The following RBPMS variants were observed in gnomAD, a reference collection of about 807,000 sequenced individuals.
RBPMS encodes RNA-binding protein with multiple splicing.
Under a neutral mutation model 26.8 loss-of-function variants are expected in RBPMS, and 7 were observed. The ratio of observed to expected loss-of-function variants is 0.26; its 90% CI spans 0.15 to 0.49. RBPMS has a LOEUF of 0.49. Among genes scored for constraint, RBPMS ranks in the 20% least tolerant of loss-of-function variants. The pLI, the probability that RBPMS is intolerant of heterozygous loss-of-function variation, is 0.98. For synonymous variants in RBPMS, 96 were observed against 93.3 expected (o/e 1.03, Z -0.17); for missense variants, 186 against 250.0 (o/e 0.74, Z 1.73).
chr8:30,448,403 A>AT (rs1445911381), intron 1 of RBPMS, among the ~76,000 whole-genome samples: 1 of 152,150 alleles, frequency 6.6e-6, no homozygotes. Flanking sequence ...TCTTCCTGCC[A>AT]TTGGCTTCAA....
At chr8:30,444,795 T>A (rs970013380) in intron 1 of RBPMS, 16 of 152,342 alleles carry the variant, frequency 1.1e-4, no homozygotes, top group Non-Finnish European at 2.2e-4. Context: ...GTTTCAGATA[T>A]CTATTTCAAA....
chr8:30,496,958 C>A (rs992329747), intron 4 of RBPMS, among the ~76,000 whole-genome samples: 1 of 152,154 alleles, frequency 6.6e-6, no homozygotes, highest in African/African-American at 2.4e-5. Flanking sequence ...TCTGATATAA[C>A]CGATTATGAT....
At chr8:30,415,767 C>T (rs1263137787) in intron 1 of RBPMS, among the ~76,000 whole-genome samples, 9 of 152,026 alleles carry the variant, frequency 5.9e-5, no homozygotes, top group South Asian at 2.1e-4. Flanking sequence ...CTGCCTTGTG[C>T]GATGTTTGAC....
At chr8:30,468,517 G>A (rs1816757091) in intron 1 of RBPMS, among the ~76,000 whole-genome samples, 3 of 151,980 alleles carry the variant, frequency 2.0e-5, no homozygotes, top group Admixed American at 2.0e-4. Flanking sequence ...ATTGTGACTG[G>A]GAAATGCCAT....
chr8:30,416,834 A>G (rs1810143316), intron 1 of RBPMS, among the ~76,000 whole-genome samples: 1 of 151,682 alleles, frequency 6.6e-6, no homozygotes, highest in Admixed American at 6.6e-5. Flanking sequence ...CAGTGGTGCA[A>G]TCTCGACTCA....
At chr8:30,413,037 A>G (rs550744254) in intron 1 of RBPMS, among the ~76,000 whole-genome samples, 20 of 152,314 alleles carry the variant, frequency 1.3e-4, no homozygotes, top group African/African-American at 4.1e-4. Context: ...AACACATTCC[A>G]GTTTTTTAAG....
intron 5 of RBPMS, among the ~76,000 whole-genome samples, chr8:30,518,005 C>T (rs753260555): frequency 6.6e-6 from 1 of 152,144 alleles, no homozygotes; most frequent in Non-Finnish European, 1.5e-5. Context: ...CAGCACTGGG[C>T]AGGGATATTG....
chr8:30,423,833 G>T (rs891454042), intron 1 of RBPMS, among the ~76,000 whole-genome samples: 22 of 63,398 alleles, frequency 3.5e-4, no homozygotes, highest in Admixed American at 1.1e-3. Flanking sequence ...TGTTTTTTTT[G>T]TTGTTGTTGT....
intron 3 of RBPMS, among the ~76,000 whole-genome samples, 177 bp downstream of exon 3, chr8:30,478,014 TC>T (rs1231795210): frequency 3.9e-5 from 6 of 152,208 alleles, no homozygotes; most frequent in Non-Finnish European, 8.8e-5. Flanking sequence ...TCTATAATCT[TC>T]AGCTGGAATT....
chr8:30,546,617 T>G (rs1168187128), intron 6 of RBPMS, among the ~76,000 whole-genome samples: 1 of 152,212 alleles, frequency 6.6e-6, no homozygotes, highest in Non-Finnish European at 1.5e-5. Context: ...TCTTGAGACT[T>G]TCCCAAACTG....
intron 5 of RBPMS, among the ~76,000 whole-genome samples, chr8:30,518,567 A>G (rs10085945): frequency 0.045 from 6,864 of 151,476 alleles, 544 homozygotes; most frequent in African/African-American, 0.16. Context: ...CTGGGATTAC[A>G]GTTGTGCGTC....
chr8:30,549,419 C>G (rs1003923607), intron 6 of RBPMS: 3 of 1,230,644 alleles, frequency 2.4e-6, no homozygotes, highest in African/African-American at 1.5e-5. Context: ...TGGGGCTGTT[C>G]TGCCCAAGGC....
At chr8:30,434,776 A>ACAC (rs1563314990) in intron 1 of RBPMS, among the ~76,000 whole-genome samples, 5 of 147,428 alleles carry the variant, frequency 3.4e-5, no homozygotes, top group African/African-American at 1.3e-4. Flanking sequence ...ATTCCCATAT[A>ACAC]ACACACACAC....
intron 1 of RBPMS, among the ~76,000 whole-genome samples, chr8:30,462,015 G>A (rs1044994915): frequency 6.6e-6 from 1 of 152,166 alleles, no homozygotes; most frequent in African/African-American, 2.4e-5. Context: ...GTTGTTGCTT[G>A]TATTAGTAGT....
chr8:30,533,961 C>T (rs375271649), intron 5 of RBPMS, among the ~76,000 whole-genome samples: 12 of 152,038 alleles, frequency 7.9e-5, no homozygotes, highest in East Asian at 7.7e-4. Context: ...ATTGAAACCC[C>T]GTCTCTACTA....
chr8:30,492,459 TA>T (rs58283942), intron 4 of RBPMS, among the ~76,000 whole-genome samples: 27 of 150,046 alleles, frequency 1.8e-4, no homozygotes, highest in Non-Finnish European at 2.5e-4. Context: ...CCCTTTGACT[TA>T]AAAAAAAAAT....
At chr8:30,521,800 AAAT>A (rs1350151027) in intron 5 of RBPMS, among the ~76,000 whole-genome samples, 4 of 152,160 alleles carry the variant, frequency 2.6e-5, no homozygotes, top group Non-Finnish European at 5.9e-5. Flanking sequence ...TGTCTTTTGT[AAAT>A]AATGTTACAG....
At chr8:30,453,593 A>C (rs780457704) in intron 1 of RBPMS, 10 of 152,204 alleles carry the variant, frequency 6.6e-5, no homozygotes, top group Non-Finnish European at 1.2e-4. Context: ...AGATTTAGCT[A>C]TTTCCTCCTA....
At chr8:30,415,915 G>A (rs1355187839) in intron 1 of RBPMS, among the ~76,000 whole-genome samples, 1 of 152,188 alleles carries the variant, frequency 6.6e-6, no homozygotes, top group African/African-American at 2.4e-5. Flanking sequence ...TTTTGTGTTA[G>A]CCTTATACTT....
Sources: gnomAD v4.1 joint callset for allele counts (sites outside exome capture counted in the v4.1 genomes callset) on GRCh38, gnomAD v4.1.1 for gene constraint, MANE v1.5 for transcripts, NCBI Gene and HGNC (gene_info 2026-07-23, HGNC 2026-07-21) for gene names.